Variants in FAM186A observed in about 807,000 individuals in gnomAD.
FAM186A encodes protein FAM186A.
In FAM186A, 163 loss-of-function variants were observed where a neutral mutation model predicts 216.8. The ratio of observed to expected loss-of-function variants is 0.75; its 90% CI spans 0.66 to 0.86. The LOEUF is 0.86. Among genes scored for constraint, FAM186A ranks in the 40% least tolerant of loss-of-function variants. The pLI, the probability that FAM186A is intolerant of heterozygous loss-of-function variation, is 0.00. For missense variants in FAM186A, 2,184 were observed against 2,746.2 expected (o/e 0.80, Z 4.58); for synonymous variants, 805 against 1,025.3 (o/e 0.79, Z 4.10).
Position 50,370,049 on chromosome 12 carries a change from G to T in FAM186A, c.193-6685C>A, listed in dbSNP as rs541777370. On this transcript the variant is annotated intron_variant, in intron 1 of 7. Transcript: ENST00000327337. ...TGAGGCAGGAGAATGGCGTGAACCC[G>T]GGAGGCGGAGCTTGCAGTGAGCAGA... 2.7e-5 allele frequency among the ~76,000 whole-genome samples: 4 copies of T among 150,412 alleles called. No individual in the cohort carries two copies. In the East Asian group the frequency reaches 7.8e-4, roughly 29 times the overall value.
chr12:50,394,732 CTTTTTTTTT>C (rs71083561), intron 1 of FAM186A, among the ~76,000 whole-genome samples: 19 of 29,406 alleles, frequency 6.5e-4, no homozygotes, highest in Admixed American at 1.7e-3. Flanking sequence ...GGCTAACACT[CTTTTTTTTT>C]TTTTTTTTTT....
rs991166305 is a variant in FAM186A, at chr12:50,327,340, A to G, written c.*43T>C. 1.3e-6 allele frequency: 2 copies of G among 1,489,926 alleles called. No homozygotes were observed. The highest frequency in any genetic ancestry group is 2.0e-5 in the Admixed American group (1 of 50,574). The allele number at this position is 1,489,926 out of a possible 1,614,324, so 92.3% of individuals were successfully genotyped here. On this transcript the variant is annotated 3_prime_UTR_variant, in exon 8 of 8. Coordinates refer to ENST00000327337, the MANE Select transcript of FAM186A (RefSeq NM_001145475.3). ...AACAAAATAGGCATTTTACTGAAAG[A>G]TACTGAAATGTACTTTCAACATGCT...
At chr12:50,335,482 A>C (rs1157937226) in intron 4 of FAM186A, among the ~76,000 whole-genome samples, 2 of 152,026 alleles carry the variant, frequency 1.3e-5, no homozygotes, top group Admixed American at 1.3e-4. Flanking sequence ...CATCTCCTCT[A>C]AAAACACAAA....
intron 4 of FAM186A, among the ~76,000 whole-genome samples, chr12:50,339,741 TACACACACACACACACACAC>T (rs10611207): frequency 1.3e-5 from 2 of 148,404 alleles, no homozygotes; most frequent in Admixed American, 6.7e-5. Context: ...CAAAGTACTT[TACACACACACACACACACAC>T]ACACACACAC....
In FAM186A at chr12:50,355,477, G is replaced by A. The variant is rs377353364; in HGVS notation, c.1355C>T (p.Thr452Ile). 45 of 1,551,254 alleles carry A rather than the reference G, an allele frequency of 2.9e-5. No individual in the cohort carries two copies. The African/African-American group carries it at 5.2e-4, about 18-fold the overall frequency. ...KKGDFYQEDE[T>I]DEYQSWKRSH... ...TCTTTTCCATGATTGATACTCATCA[G>A]TCTCATCTTCCTGATAGAAATCACC... The change falls in exon 4 of 8, where the codon ACT (threonine) becomes ATT (isoleucine). Residue 452 changes from threonine to isoleucine, a missense_variant. Physicochemically the swap from Thr to Ile is moderately conservative, Grantham distance 89 (BLOSUM62 -1). Coordinates refer to ENST00000327337, the MANE Select transcript of FAM186A (RefSeq NM_001145475.3).
chr12:50,378,558 G>GTATATATA (rs144897665), intron 1 of FAM186A, among the ~76,000 whole-genome samples: 217 of 14,356 alleles, frequency 0.015, 2 homozygotes, highest in Admixed American at 0.049. Flanking sequence ...TATGTAAATT[G>GTATATATA]TATATATATA....
rs755750973 is a variant in FAM186A at position 50,353,383 on chromosome 12, T to A, written c.3449A>T (p.Gln1150Leu). Residue 1150 changes from glutamine (Q) to leucine (L), a missense_variant, in exon 4 of 8, where the codon CAG becomes CTG. By Grantham distance (113) the Gln-to-Leu change is moderately radical. Coordinates refer to ENST00000327337, the MANE Select transcript of FAM186A (RefSeq NM_001145475.3). ...AGAGATCCCCGGGGCCTGGTCCTGC[T>A]GAGGGGTGAGAGTGATCCCTTGAAC... ...TQVQGITLTP[Q>L]QDQAPGISLT... The A allele has an allele frequency of 2.2e-5, 34 of 1,534,078 alleles. No homozygotes were observed. Among genetic ancestry groups the A allele is most frequent in the Non-Finnish European group, 3.0e-5 (34 of 1,139,180 alleles).
chr12:50,361,445 C>T (rs1406232791), intron 2 of FAM186A, among the ~76,000 whole-genome samples: 10 of 150,772 alleles, frequency 6.6e-5, no homozygotes, highest in Admixed American at 6.6e-4. Context: ...GTGATCTGCC[C>T]GCCTCAGCCT....
chr12:50,351,482 A>C lies in FAM186A; in HGVS notation c.5350T>G (p.Ser1784Ala). 1 of 1,484,860 alleles carries C rather than the reference A, an allele frequency of 6.7e-7. No homozygotes were observed. Among genetic ancestry groups the C allele is most frequent in the Non-Finnish European group, 8.9e-7 (1 of 1,119,970 alleles). The allele number at this position is 1,484,860 out of a possible 1,614,324, so 92.0% of individuals were successfully genotyped here. Reference protein sequence around the residue: ...PGKPLEMGILSEPGKLGAPQT... With the variant: ...PGKPLEMGILAEPGKLGAPQT... ...GGTGCCCCAAGCTTCCCAGGCTCAG[A>C]AAGAATCCCCATTTCTAGGGGCTTC... is the stretch of plus-strand genomic sequence containing the variant. Residue 1784 changes from serine to alanine, a missense_variant, in exon 4 of 8, where the codon TCT (serine) becomes GCT (alanine). Coordinates refer to ENST00000327337, the MANE Select transcript of FAM186A (RefSeq NM_001145475.3).
intron 2 of FAM186A, 54 bp downstream of exon 2, chr12:50,363,091 T>C: frequency 7.2e-7 from 1 of 1,385,768 alleles, no homozygotes; most frequent in Non-Finnish European, 9.7e-7. Flanking sequence ...ATATATTCTC[T>C]TCTCTTTTTC....
intron 7 of FAM186A, among the ~76,000 whole-genome samples, chr12:50,327,962 A>C (rs1942621717): frequency 6.6e-6 from 1 of 152,190 alleles, no homozygotes; most frequent in South Asian, 2.1e-4. Context: ...TTATACCTAA[A>C]GTTAGAACAT....
intron 1 of FAM186A, among the ~76,000 whole-genome samples, chr12:50,367,065 T>C (rs1335900541): frequency 2.6e-5 from 4 of 151,886 alleles, no homozygotes; most frequent in African/African-American, 9.7e-5. Flanking sequence ...AGAAAACTTC[T>C]TCAACATAAT....
rs1942682692 is a variant in FAM186A, at chr12:50,334,035, T to TGGA, written c.6569_6571dup (p.Leu2190dup). 3.2e-6 allele frequency: 5 copies of TGGA among 1,551,596 alleles called. No homozygotes were observed. In the African/African-American group the frequency reaches 5.5e-5, roughly 17 times the overall value. On this transcript the variant is annotated inframe_insertion, in exon 5 of 8. Transcript: ENST00000327337. The stretch of plus-strand genomic sequence containing the variant: ...GTCATCAAGTCTGCTCAGCATCATG[T>TGGA]GGAGGTTCCTGGCCTCATAGCCTTT...
chr12:50,331,136 T>C (rs1210684936), intron 6 of FAM186A, among the ~76,000 whole-genome samples: 1 of 152,212 alleles, frequency 6.6e-6, no homozygotes, highest in African/African-American at 2.4e-5. Flanking sequence ...ATTTGTTTTT[T>C]AGTAAGAAAG....
At chr12:50,331,239 G>A (rs1272461121) in intron 6 of FAM186A, among the ~76,000 whole-genome samples, 3 of 152,048 alleles carry the variant, frequency 2.0e-5, no homozygotes, top group Admixed American at 2.0e-4. Context: ...TTAGCTAAGG[G>A]AATTAATACT....
At chr12:50,378,018 G>C (rs1184318159) in intron 1 of FAM186A, among the ~76,000 whole-genome samples, 3 of 151,974 alleles carry the variant, frequency 2.0e-5, no homozygotes, top group African/African-American at 7.2e-5. Flanking sequence ...CTGAGGTCGG[G>C]AATTTGAGAC....
chr12:50,338,976 T>C (rs774436056), intron 4 of FAM186A, among the ~76,000 whole-genome samples: 1 of 152,234 alleles, frequency 6.6e-6, no homozygotes, highest in Non-Finnish European at 1.5e-5. Flanking sequence ...ATAAAATTTA[T>C]ATTTCCTTTA....
At chr12:50,334,463 C>T (rs573758925) in intron 4 of FAM186A, among the ~76,000 whole-genome samples, 8 of 151,766 alleles carry the variant, frequency 5.3e-5, no homozygotes, top group Non-Finnish European at 1.0e-4. Context: ...AGCCACTGAG[C>T]ATGGCCTCTT....
intron 3 of FAM186A, among the ~76,000 whole-genome samples, chr12:50,358,825 A>T (rs1362463096): frequency 1.3e-5 from 2 of 151,162 alleles, no homozygotes; most frequent in Non-Finnish European, 2.9e-5. Flanking sequence ...CGGGAGGCTG[A>T]GGCAGGAGAA....
Sources: allele counts gnomAD v4.1 joint callset (sites outside exome capture counted in the v4.1 genomes callset), GRCh38; gene constraint gnomAD v4.1.1; transcripts MANE v1.5; gene names NCBI Gene and HGNC (gene_info 2026-07-23, HGNC 2026-07-21).